The following PRKN variants were observed in gnomAD, a reference collection of about 807,000 sequenced individuals.
The protein encoded by PRKN is E3 ubiquitin-protein ligase parkin.
In PRKN, 56 loss-of-function variants were observed where a neutral mutation model predicts 59.5. That is an observed-to-expected ratio of 0.94 (90% CI 0.76 to 1.18). PRKN has a LOEUF of 1.18. PRKN is among the 50% of genes most tolerant of loss of function. The probability of loss-of-function intolerance (pLI) is 0.00; values close to 1 mark genes in which losing one functional copy is unlikely to be tolerated. For missense variants in PRKN, 657 were observed against 596.4 expected (o/e 1.10, Z -1.06); for synonymous variants, 250 against 222.1 (o/e 1.13, Z -1.12).
In PRKN at chr6:162,056,947, TC is replaced by T. The variant is rs1303085136; in HGVS notation, c.535-2774del. ...TTGCCTGCGGTTTCCTCTAAACTCC[TC>T]CCCCTGGGCCTTTTCCCCTCGCTTC... is the stretch of plus-strand genomic sequence containing the variant. On this transcript the variant is annotated intron_variant, in intron 4 of 11. Coordinates refer to ENST00000366898, the MANE Select transcript of PRKN (RefSeq NM_004562.3). The surrounding 1 kb of genome is among the most constrained non-coding windows in gnomAD (Gnocchi z 4.9). Among the ~76,000 whole-genome samples, 6 of 152,050 alleles carry T rather than the reference TC, an allele frequency of 3.9e-5. No individual in the cohort carries two copies. In the East Asian group the frequency reaches 1.2e-3, roughly 29 times the overall value.
At chr6:161,743,140 G>A (rs970911087) in intron 7 of PRKN, among the ~76,000 whole-genome samples, 1 of 148,046 alleles carries the variant, frequency 6.8e-6, no homozygotes, top group Non-Finnish European at 1.5e-5. Context: ...ATTTTACAAT[G>A]TGGAAATTAT....
chr6:161,898,164 T>C, intron 6 of PRKN, among the ~76,000 whole-genome samples: 1 of 151,934 alleles, frequency 6.6e-6, no homozygotes, highest in South Asian at 2.1e-4. Flanking sequence ...AGCTGCCTTG[T>C]ATTTGCCAAT....
chr6:162,306,003 TAAAA>T (rs1562656230), intron 2 of PRKN, among the ~76,000 whole-genome samples: 1 of 152,084 alleles, frequency 6.6e-6, no homozygotes, highest in Non-Finnish European at 1.5e-5. Flanking sequence ...ACAATGGAAA[TAAAA>T]AAGAAGTTCT....
At chr6:162,517,006 G>A (rs552306476) in intron 1 of PRKN, among the ~76,000 whole-genome samples, 1 of 152,124 alleles carries the variant, frequency 6.6e-6, no homozygotes, top group East Asian at 1.9e-4. Flanking sequence ...GTCCTATGGT[G>A]GAAATGCAGT....
At chr6:161,962,299 A>G (rs941647898) in intron 6 of PRKN, among the ~76,000 whole-genome samples, 5 of 152,248 alleles carry the variant, frequency 3.3e-5, no homozygotes, top group African/African-American at 1.2e-4. Context: ...AACTGGCACA[A>G]ACATTATTTG....
At position 161,503,650 on chromosome 6, in the gene PRKN, A is replaced by G. The variant is rs1222393852; in HGVS notation, c.1083+45204T>C. ...GTTCTAAGGCAGTTGCTCTGCCCCC[A>G]GAGCCCTGCTTCGAGAGCCTCTATG... On this transcript the variant is annotated intron_variant, in intron 9 of 11. Coordinates refer to ENST00000366898, the MANE Select transcript of PRKN (RefSeq NM_004562.3). The surrounding 1 kb of genome is among the most constrained non-coding windows in gnomAD (Gnocchi z 5.1). 6.6e-6 allele frequency among the ~76,000 whole-genome samples: 1 copy of G among 152,212 alleles called. No individual in the cohort carries two copies. Among genetic ancestry groups the G allele is most frequent in the Non-Finnish European group, 1.5e-5 (1 of 68,038 alleles).
chr6:162,100,954 T>C lies in PRKN; in HGVS notation c.535-46780A>G, dbSNP rs1269233757. Among the ~76,000 whole-genome samples the C allele has an allele frequency of 3.9e-5, 6 of 152,222 alleles. 1 individual carries two copies. The highest frequency in any genetic ancestry group is 1.3e-4 in the Admixed American group (2 of 15,284). On this transcript the variant is annotated intron_variant, in intron 4 of 11. Transcript: ENST00000366898. ...ACTTATTTTCTAACTATTGAGTTTT[T>C]GAGTTCCTTATCTATTTTGAATATT...
chr6:161,354,091 A>G lies in PRKN; in HGVS notation c.1286-3880T>C, dbSNP rs780024335. Among the ~76,000 whole-genome samples, 3 of 152,236 alleles carry G rather than the reference A, an allele frequency of 2.0e-5. No individual in the cohort carries two copies. Among genetic ancestry groups the G allele is most frequent in the Non-Finnish European group, 4.4e-5 (3 of 68,034 alleles). ...TAAATGATATCTTGGTACAGAAGCTAGAATTACAATGGCCTGGTACAGTAA... is the reference window on the plus strand; with the variant it reads ...TAAATGATATCTTGGTACAGAAGCTGGAATTACAATGGCCTGGTACAGTAA... On this transcript the variant is annotated intron_variant, in intron 11 of 11. Transcript: ENST00000366898. The surrounding 1 kb of genome is among the most constrained non-coding windows in gnomAD (Gnocchi z 6.7).
intron 5 of PRKN, among the ~76,000 whole-genome samples, chr6:162,034,887 T>C (rs1489251591): frequency 6.6e-6 from 1 of 152,206 alleles, no homozygotes; most frequent in Non-Finnish European, 1.5e-5. Flanking sequence ...AGCCGAGAGC[T>C]TACATATGGA....
In PRKN at chr6:162,516,092, G is replaced by A. The variant is rs987487479; in HGVS notation, c.8-72619C>T. Among the ~76,000 whole-genome samples, 7 of 152,136 alleles carry A rather than the reference G, an allele frequency of 4.6e-5. No individual in the cohort carries two copies. In the South Asian group the frequency reaches 8.3e-4, roughly 18 times the overall value. On this transcript the variant is annotated intron_variant, in intron 1 of 11. Transcript: ENST00000366898. Reference sequence around the variant, plus strand: ...CTGAGGGCAGCCCTCCCTCCCAGTCGCCAGTTCCGTCTTTGCACTGCATGT... The same window carrying A: ...CTGAGGGCAGCCCTCCCTCCCAGTCACCAGTTCCGTCTTTGCACTGCATGT...
In PRKN at chr6:161,352,224, T is replaced by G. The variant is rs946009826; in HGVS notation, c.1286-2013A>C. 1.3e-5 allele frequency among the ~76,000 whole-genome samples: 2 copies of G among 152,182 alleles called. No homozygotes were observed. Among genetic ancestry groups the G allele is most frequent in the Non-Finnish European group, 2.9e-5 (2 of 68,022 alleles). On this transcript the variant is annotated intron_variant, in intron 11 of 11. Transcript: ENST00000366898. This position sits in a 1 kb window ranked among gnomAD's most constrained non-coding sequence, Gnocchi z 5.8. The stretch of plus-strand genomic sequence containing the variant: ...TGGTTCGGTGCTGTCTCACTTTTAT[T>G]ATTAGAAACCTGGCATGAGAACTTT...
chr6:162,434,130 T>TTA (rs1294082460), intron 2 of PRKN, among the ~76,000 whole-genome samples: 1 of 152,102 alleles, frequency 6.6e-6, no homozygotes, highest in Non-Finnish European at 1.5e-5. Context: ...CCCACAAAAA[T>TTA]TATAATTTTT....
intron 9 of PRKN, among the ~76,000 whole-genome samples, chr6:161,439,603 C>G (rs912670839): frequency 6.6e-6 from 1 of 152,158 alleles, no homozygotes; most frequent in Middle Eastern, 3.2e-3. Flanking sequence ...TCCTCTCTCC[C>G]GTGATGAAGC....
intron 4 of PRKN, among the ~76,000 whole-genome samples, chr6:162,113,222 G>C (rs1212335716): frequency 6.6e-6 from 1 of 152,122 alleles, no homozygotes; most frequent in Non-Finnish European, 1.5e-5. Flanking sequence ...AATTAGAAAA[G>C]ACCCGATCTA....
chr6:162,248,099 T>C (rs936108238), intron 3 of PRKN, among the ~76,000 whole-genome samples: 6 of 152,170 alleles, frequency 3.9e-5, no homozygotes, highest in African/African-American at 1.2e-4. Context: ...AAGGGTTTTG[T>C]ATTTCTTAAT....
chr6:162,611,060 T>C lies in PRKN; in HGVS notation c.7+116602A>G, dbSNP rs181627135. On this transcript the variant is annotated intron_variant, in intron 1 of 11. Transcript: ENST00000366898. ...GTATATCAGAACTGATTGTGAAGAA[T>C]AGGCCTCACTGGAGAAATAATGTGT... Among the ~76,000 whole-genome samples the C allele has an allele frequency of 3.4e-3, 512 of 152,296 alleles. 1 individual carries two copies. Among genetic ancestry groups the C allele is most frequent in the Non-Finnish European group, 5.1e-3 (344 of 68,022 alleles).
rs1349446636 is a variant in PRKN, at chr6:162,284,221, T to C, written c.172-21456A>G. On this transcript the variant is annotated intron_variant, in intron 2 of 11. Transcript: ENST00000366898. ...TGTATTGTGTTATTTCTTTCTTTTTTTTTTTTTTTTTTTTTTTTTTGAGAT... is the reference window on the plus strand; with the variant it reads ...TGTATTGTGTTATTTCTTTCTTTTTCTTTTTTTTTTTTTTTTTTTTGAGAT... 5.0e-3 allele frequency among the ~76,000 whole-genome samples: 580 copies of C among 116,716 alleles called. 17 individuals carry two copies. The highest frequency in any genetic ancestry group is 0.016 in the African/African-American group (552 of 34,956). 76.6% of individuals were successfully genotyped at this position (116,716 alleles called of 152,430 possible). A position where few individuals can be genotyped will look rare whatever the true frequency, so the allele number is the denominator to read the frequency against.
intron 1 of PRKN, among the ~76,000 whole-genome samples, chr6:162,475,352 G>A (rs1198408513): frequency 6.6e-6 from 1 of 152,150 alleles, no homozygotes; most frequent in African/African-American, 2.4e-5. Context: ...CAAGAGAAAA[G>A]GATTTTCACT....
chr6:161,639,336 G>T (rs1305272408), intron 7 of PRKN, among the ~76,000 whole-genome samples: 1 of 152,158 alleles, frequency 6.6e-6, no homozygotes, highest in South Asian at 2.1e-4. Flanking sequence ...ATACAGGATC[G>T]AGTACGTTCA....
Sources: gnomAD v4.1 joint callset for allele counts (sites outside exome capture counted in the v4.1 genomes callset) on GRCh38, gnomAD v4.1.1 for gene constraint, Gnocchi (gnomAD v3.1) non-coding constraint, MANE v1.5 for transcripts, NCBI Gene and HGNC (gene_info 2026-07-23, HGNC 2026-07-21) for gene names.